ATE1: variants seen among roughly 807,000 people sequenced by gnomAD.
ATE1 encodes arginyltransferase 1, also known as arginyl-tRNA--protein transferase 1.
ATE1 carries 36 observed loss-of-function variants against 70.5 expected under a neutral mutation model. The observed-to-expected ratio is 0.51, with a 90% CI of 0.39 to 0.67. The LOEUF is 0.67. ATE1 is among the 30% of genes least tolerant of loss of function. The pLI is 0.00. For synonymous variants in ATE1, 232 were observed against 219.3 expected (o/e 1.06, Z -0.51); for missense variants, 593 against 629.5 (o/e 0.94, Z 0.62).
In ATE1 at chr10:121,918,652, G is replaced by T. The variant is rs887383679; in HGVS notation, c.233+3697C>A. On this transcript the variant is annotated intron_variant, in intron 3 of 11. Transcript: ENST00000224652. ...TTGAAGACAAATGACTTCTGCCTTA[G>T]AAGATACCTTCTCTTTATAACCACG... 3.3e-5 allele frequency among the ~76,000 whole-genome samples: 5 copies of T among 152,246 alleles called. No individual in the cohort carries two copies. In the South Asian group the frequency reaches 1.0e-3, roughly 32 times the overall value.
intron 10 of ATE1, among the ~76,000 whole-genome samples, chr10:121,803,462 C>G (rs775175318): frequency 5.9e-5 from 9 of 152,142 alleles, no homozygotes; most frequent in Non-Finnish European, 1.0e-4. Flanking sequence ...GTTAAAATTC[C>G]CAACCTAAAA....
At chr10:121,884,381 T>C (rs892371529) in intron 7 of ATE1, among the ~76,000 whole-genome samples, 1 of 151,614 alleles carries the variant, frequency 6.6e-6, no homozygotes, top group East Asian at 1.9e-4. Flanking sequence ...GGGAGGATCA[T>C]TTGAGGCCAG....
At chr10:121,873,618 C>G (rs1439842696) in intron 7 of ATE1, among the ~76,000 whole-genome samples, 2 of 150,452 alleles carry the variant, frequency 1.3e-5, no homozygotes, top group South Asian at 4.2e-4. Flanking sequence ...GAATAAGGAC[C>G]AAAGAAAATA....
chr10:121,910,245 T>C (rs892174914), intron 5 of ATE1, among the ~76,000 whole-genome samples: 10 of 152,168 alleles, frequency 6.6e-5, no homozygotes, highest in East Asian at 5.8e-4. Context: ...CTTGGATCAT[T>C]TGGCATAAAT....
intron 7 of ATE1, among the ~76,000 whole-genome samples, chr10:121,888,134 C>T (rs1356694752): frequency 6.6e-6 from 1 of 152,192 alleles, no homozygotes; most frequent in Non-Finnish European, 1.5e-5. Flanking sequence ...GTGGCTCACG[C>T]CTGTAATCCC....
chr10:121,794,441 CA>C (rs1946572242), intron 10 of ATE1, among the ~76,000 whole-genome samples: 2 of 151,650 alleles, frequency 1.3e-5, no homozygotes, highest in Non-Finnish European at 2.9e-5. Flanking sequence ...CCCATCTCTA[CA>C]AAAAAATTTT....
intron 10 of ATE1, among the ~76,000 whole-genome samples, chr10:121,836,140 T>C (rs1416398246): frequency 6.6e-6 from 1 of 152,158 alleles, no homozygotes; most frequent in Non-Finnish European, 1.5e-5. Flanking sequence ...CCATCCTACC[T>C]ACTTTCTTCT....
intron 4 of ATE1, among the ~76,000 whole-genome samples, chr10:121,911,990 C>T (rs1355602089): frequency 6.6e-6 from 1 of 152,080 alleles, no homozygotes; most frequent in Non-Finnish European, 1.5e-5. Context: ...TCGTGATCCA[C>T]CTGCCTCGGC....
chr10:121,921,667 A>AG (rs1361054257), intron 3 of ATE1, among the ~76,000 whole-genome samples: 1 of 152,046 alleles, frequency 6.6e-6, no homozygotes, highest in Non-Finnish European at 1.5e-5. Context: ...AGGCAAACCT[A>AG]GATAACGGAC....
chr10:121,861,162 A>G (rs992760400), intron 8 of ATE1, among the ~76,000 whole-genome samples: 1 of 152,174 alleles, frequency 6.6e-6, no homozygotes, highest in Non-Finnish European at 1.5e-5. Context: ...CAGCAACACC[A>G]CTACTCGCTA....
In ATE1 at chr10:121,793,113, T is replaced by TTA. The variant is rs554244433; in HGVS notation, c.1258-2826_1258-2825dup. ...CATTTTTTTAAAAAAGGCAAATCAC[T>TTA]TAAGCACTTCACCAAAGATATATGA... On this transcript the variant is annotated intron_variant, in intron 10 of 11. Coordinates refer to ENST00000224652, the MANE Select transcript of ATE1 (RefSeq NM_001001976.3). Among the ~76,000 whole-genome samples the TTA allele has an allele frequency of 5.1e-4, 78 of 152,282 alleles. No homozygotes were observed. In the East Asian group the frequency reaches 0.013, roughly 26 times the overall value.
At chr10:121,829,098 T>C (rs1425645963) in intron 10 of ATE1, among the ~76,000 whole-genome samples, 1 of 152,136 alleles carries the variant, frequency 6.6e-6, no homozygotes, top group Non-Finnish European at 1.5e-5. Context: ...ACGTACCAGG[T>C]ACCTAACAGG....
At chr10:121,905,740 G>A (rs1462269164) in intron 5 of ATE1, among the ~76,000 whole-genome samples, 1 of 152,062 alleles carries the variant, frequency 6.6e-6, no homozygotes, top group Non-Finnish European at 1.5e-5. Flanking sequence ...AGCTACTTGG[G>A]AACCTGAGGC....
intron 11 of ATE1, among the ~76,000 whole-genome samples, chr10:121,778,564 CTTTTTTTTTTTTTT>C (rs71022864): frequency 1.7e-5 from 1 of 57,154 alleles, no homozygotes; most frequent in Non-Finnish European, 3.0e-5. Flanking sequence ...ATGTGGCCAG[CTTTTTTTTTTTTTT>C]TTTTTTTTTT....
intron 11 of ATE1, among the ~76,000 whole-genome samples, chr10:121,744,114 G>A (rs778930891): frequency 2.6e-5 from 4 of 150,980 alleles, no homozygotes; most frequent in Non-Finnish European, 4.4e-5. Context: ...GTAGAGATGG[G>A]ATTTCACCAT....
chr10:121,880,634 A>C (rs1004347579), intron 7 of ATE1, among the ~76,000 whole-genome samples: 1 of 151,412 alleles, frequency 6.6e-6, no homozygotes, highest in African/African-American at 2.4e-5. Context: ...ATTTTTACAT[A>C]TTCTTAAGGG....
chr10:121,924,435 T>A (rs1952002593), intron 1 of ATE1, 106 bp from the exon 2 acceptor site: 1 of 1,073,272 alleles, frequency 9.3e-7, no homozygotes, highest in Non-Finnish European at 1.4e-6. Flanking sequence ...GCACGGTGGC[T>A]CATGCCTGTA....
intron 11 of ATE1, among the ~76,000 whole-genome samples, chr10:121,754,505 G>C (rs1415646937): frequency 6.6e-6 from 1 of 152,166 alleles, no homozygotes; most frequent in Non-Finnish European, 1.5e-5. Flanking sequence ...ACATTGATTA[G>C]AATGAGATTC....
At chr10:121,874,976 TA>T (rs1253116625) in intron 7 of ATE1, among the ~76,000 whole-genome samples, 1 of 126,862 alleles carries the variant, frequency 7.9e-6, no homozygotes, top group African/African-American at 3.0e-5. Flanking sequence ...CCATCTCTAC[TA>T]AAAGAAAAAA....
Sources: allele counts gnomAD v4.1 joint callset (sites outside exome capture counted in the v4.1 genomes callset), GRCh38; gene constraint gnomAD v4.1.1; transcripts MANE v1.5; gene names NCBI Gene and HGNC (gene_info 2026-07-23, HGNC 2026-07-21).